SEC13: variants seen among roughly 807,000 people sequenced by gnomAD.
SEC13 encodes SEC13 homolog, nuclear pore and COPII component.
A neutral mutation model predicts 49.2 loss-of-function variants in SEC13; 25 were observed. The ratio of observed to expected loss-of-function variants is 0.51; its 90% confidence interval spans 0.37 to 0.71. The LOEUF (loss-of-function observed/expected upper bound fraction) is 0.71. Ranked by LOEUF, SEC13 falls within the 30% of genes least tolerant of loss-of-function variation. The pLI, the probability that SEC13 is intolerant of heterozygous loss-of-function variation, is 0.00. For synonymous variants in SEC13, 148 were observed against 163.9 expected, an observed-to-expected ratio of 0.90 and a Z score of 0.74; for missense variants, 383 against 417.6, an observed-to-expected ratio of 0.92 and a Z score of 0.72.
intron 5 of SEC13, 60 bp downstream of exon 5, chr3:10,311,905 G>A (rs759232022): frequency 6.2e-7 from 1 of 1,613,792 alleles, no homozygotes; most frequent in South Asian, 1.1e-5. Context: ...TAGGGAGGCT[G>A]CAGCAGACAC....
At chr3:10,311,416 G>A (rs1701245076) in intron 5 of SEC13, among the ~76,000 whole-genome samples, 1 of 152,204 alleles carries the variant, frequency 6.6e-6, no homozygotes, top group Non-Finnish European at 1.5e-5. Context: ...TTAGTCATAT[G>A]AGCCCCCCAC....
intron 4 of SEC13, 111 bp downstream of exon 4, chr3:10,312,466 CAA>C (rs1701335431): frequency 6.8e-6 from 9 of 1,331,992 alleles, no homozygotes; most frequent in Middle Eastern, 2.7e-4. Flanking sequence ...AACCAAAGCT[CAA>C]GAGACAGACA....
chr3:10,310,594 T>C (rs1701192921), intron 5 of SEC13, among the ~76,000 whole-genome samples: 1 of 152,182 alleles, frequency 6.6e-6, no homozygotes, highest in South Asian at 2.1e-4. Context: ...AGTGAGGATG[T>C]GGAGAAATTA....
intron 2 of SEC13, among the ~76,000 whole-genome samples, chr3:10,317,001 C>CAAAAAAAA (rs35597823): frequency 5.3e-5 from 4 of 74,890 alleles, no homozygotes; most frequent in East Asian, 3.4e-4. Context: ...AACTCCATCT[C>CAAAAAAAA]AAAAAAAAAA....
Position 10,304,021 on chromosome 3 carries a change from T to A in SEC13, c.855+5A>T, listed in dbSNP as rs1344111799. The A allele has an allele frequency of 6.2e-7, 1 of 1,613,862 alleles. No individual in the cohort carries two copies. The highest frequency in any genetic ancestry group is 1.3e-5 in the African/African-American group (1 of 74,932). On this transcript the variant is annotated splice_donor_5th_base_variant and intron_variant, in intron 8 of 8. Coordinates refer to ENST00000350697, the MANE Select transcript of SEC13 (RefSeq NM_183352.3). ...TCCACCATGCCACGGGGAATGGGTA[T>A]GTACCTTATTGTCTCCACCAGAGAC...
chr3:10,309,255 G>T (rs746763502), intron 5 of SEC13, among the ~76,000 whole-genome samples: 10 of 151,172 alleles, frequency 6.6e-5, no homozygotes, highest in African/African-American at 9.7e-5. Flanking sequence ...TAAGTGTGGG[G>T]TATGATCTCT....
chr3:10,304,165 C>T lies in SEC13; in HGVS notation c.716G>A (p.Arg239His), dbSNP rs151313829. The T allele has an allele frequency of 2.6e-5, 42 of 1,613,936 alleles. 1 individual carries two copies. In the South Asian group the frequency reaches 2.6e-4, roughly 10 times the overall value. ...ATCATCACAGGTCCAAATGAACACA[C>T]GACCATCCTAGGAAGAAACAGGATA... ...STIASCSQDG[R>H]VFIWTCDDAS... Residue 239 changes from arginine (R) to histidine (H), a missense_variant, in exon 8 of 9, where the codon CGT becomes CAT. Coordinates refer to ENST00000350697, the MANE Select transcript of SEC13 (RefSeq NM_183352.3).
Position 10,305,649 on chromosome 3 carries a change from C to T in SEC13, c.494G>A (p.Gly165Glu). Reference sequence around the variant, plus strand: ...CCCCGATGGGTGGTCTATGAGGCTTCCAGGTACAACAGCAGGGGCCCAGCT... The same window carrying T: ...CCCCGATGGGTGGTCTATGAGGCTTTCAGGTACAACAGCAGGGGCCCAGCT... ...AVSWAPAVVP[G>E]SLIDHPSGQK... Residue 165 changes from glycine to glutamate, a missense_variant, in exon 6 of 9, where the codon GGA (glycine) becomes GAA (glutamate). Transcript: ENST00000350697. The T allele has an allele frequency of 6.2e-7, 1 of 1,614,184 alleles. No individual in the cohort carries two copies. The highest frequency in any genetic ancestry group is 1.3e-5 in the African/African-American group (1 of 75,052).
At position 10,305,033 on chromosome 3, in the gene SEC13, C is replaced by G. The variant is rs750872544; in HGVS notation, c.708G>C (p.Gln236His). The G allele has an allele frequency of 3.1e-6, 5 of 1,614,106 alleles. No homozygotes were observed. Among genetic ancestry groups the G allele is most frequent in the Non-Finnish European group, 8.5e-7 (1 of 1,180,036 alleles). The change falls in exon 7 of 9, where the codon CAG (glutamine) becomes CAC (histidine). Residue 236 changes from glutamine (Q) to histidine (H), a missense_variant and splice_region_variant. Gln to His is a conservative substitution (Grantham distance 24). Coordinates refer to ENST00000350697, the MANE Select transcript of SEC13 (RefSeq NM_183352.3). ...LPTSTIASCS[Q>H]DGRVFIWTCD... Reference sequence around the variant, plus strand: ...GGGATACTCATGGCCCTGGGCTGACCTGGGAGCAGCTGGCGATGGTGCTGG... The same window carrying G: ...GGGATACTCATGGCCCTGGGCTGACGTGGGAGCAGCTGGCGATGGTGCTGG...
intron 5 of SEC13, among the ~76,000 whole-genome samples, chr3:10,310,351 T>C (rs4684681): frequency 0.26 from 39,282 of 151,864 alleles, 6,051 homozygotes; most frequent in East Asian, 0.55. Context: ...ATTAGCCGGG[T>C]GTTGTGGCGT....
chr3:10,312,138 A>T (rs1169759544), intron 4 of SEC13, 40 bp from the exon 5 acceptor site: 2 of 1,549,674 alleles, frequency 1.3e-6, no homozygotes, highest in Non-Finnish European at 1.7e-6. Context: ...AAGCAGGGAG[A>T]CCGCGGCCCC....
intron 5 of SEC13, among the ~76,000 whole-genome samples, chr3:10,308,133 T>G (rs1701003771): frequency 6.6e-6 from 1 of 152,224 alleles, no homozygotes; most frequent in Admixed American, 6.5e-5. Context: ...TTGGTGAATT[T>G]TGACAAAAAT....
At chr3:10,301,526 G>C (rs1700512864) in intron 8 of SEC13, 152 bp from the exon 9 acceptor site, 2 of 957,406 alleles carry the variant, frequency 2.1e-6, no homozygotes, top group African/African-American at 1.7e-5. Context: ...TCACCAAAAT[G>C]AGAGTCCAGG....
chr3:10,302,013 G>A (rs1700558086), intron 8 of SEC13, among the ~76,000 whole-genome samples: 1 of 152,102 alleles, frequency 6.6e-6, no homozygotes, highest in Non-Finnish European at 1.5e-5. Flanking sequence ...AGGCTGAGAT[G>A]GGTGGATCAC....
intron 8 of SEC13, among the ~76,000 whole-genome samples, chr3:10,301,805 C>CAACA (rs780827355): frequency 2.6e-5 from 4 of 152,238 alleles, no homozygotes; most frequent in Non-Finnish European, 5.9e-5. Flanking sequence ...ACAGGTTTAA[C>CAACA]AACACTGCAG....
chr3:10,321,035 A>C lies in SEC13; in HGVS notation c.3+15T>G. ...GGCCTTCACCCTGCTAGGCCTCCTC[A>C]GTACCAACACTCACCATGATTGCGG... On this transcript the variant is annotated intron_variant, in intron 1 of 8. Coordinates refer to ENST00000350697, the MANE Select transcript of SEC13 (RefSeq NM_183352.3). The surrounding 1 kb of genome is among the most constrained non-coding windows in gnomAD (Gnocchi z 4.1). The C allele has an allele frequency of 6.2e-7, 1 of 1,611,932 alleles. No homozygotes were observed. The highest frequency in any genetic ancestry group is 8.5e-7 in the Non-Finnish European group (1 of 1,179,240).
chr3:10,319,391 G>C, intron 1 of SEC13: 1 of 1,137,340 alleles, frequency 8.8e-7, no homozygotes, highest in East Asian at 2.9e-5. Context: ...TGCACAGGAA[G>C]GCGGGGAGGG....
At chr3:10,319,780 G>C (rs1190059875) in intron 1 of SEC13, among the ~76,000 whole-genome samples, 2 of 47,786 alleles carry the variant, frequency 4.2e-5, no homozygotes, top group Non-Finnish European at 7.8e-5. Flanking sequence ...GAGAGAGAGA[G>C]AGAGAGAGAG....
At chr3:10,319,807 G>T (rs1406748307) in intron 1 of SEC13, among the ~76,000 whole-genome samples, 1 of 48,266 alleles carries the variant, frequency 2.1e-5, no homozygotes, top group Admixed American at 1.5e-4. Context: ...GGCGGGGGGG[G>T]GGGGGGGGGA....
Sources: allele counts gnomAD v4.1 joint callset (sites outside exome capture counted in the v4.1 genomes callset), GRCh38; gene constraint gnomAD v4.1.1; non-coding constraint Gnocchi (gnomAD v3.1); transcripts MANE v1.5; gene names NCBI Gene and HGNC (gene_info 2026-07-23, HGNC 2026-07-21).